FSTL4: variants seen among roughly 807,000 people sequenced by gnomAD.
The protein encoded by FSTL4 is follistatin-related protein 4.
In FSTL4, 28 loss-of-function variants were observed where a neutral mutation model predicts 78.2. The ratio of observed to expected loss-of-function variants is 0.36; its 90% CI spans 0.27 to 0.49. FSTL4 has a LOEUF of 0.49. Ranked by LOEUF, FSTL4 falls within the 20% of genes least tolerant of loss-of-function variation. FSTL4 has a pLI of 0.98. For missense variants in FSTL4, 922 were observed against 1,084.9 expected (o/e 0.85, Z 2.11); for synonymous variants, 422 against 440.5 (o/e 0.96, Z 0.53).
chr5:133,823,179 G>A, the FSTL4 span, among the ~76,000 whole-genome samples: 1 of 152,210 alleles, frequency 6.6e-6, no homozygotes, highest in Non-Finnish European at 1.5e-5. Flanking sequence ...AGAGCCCAGA[G>A]CTGGTCACCA....
the FSTL4 span, among the ~76,000 whole-genome samples, chr5:133,815,566 A>G: frequency 6.6e-6 from 1 of 152,212 alleles, no homozygotes; most frequent in Admixed American, 6.5e-5. Context: ...TGGCTGGCTC[A>G]TGTGCCAGGG....
Position 133,352,827 on chromosome 5 carries a change from C to T in FSTL4, c.410-36175G>A, listed in dbSNP as rs573998947. 1.5e-3 allele frequency among the ~76,000 whole-genome samples: 231 copies of T among 152,178 alleles called. 1 individual carries two copies. Among genetic ancestry groups the T allele is most frequent in the African/African-American group, 5.3e-3 (220 of 41,504 alleles). ...GTAGTATTCCATGGTGTGTATGTAC[C>T]ACATTTTTAAAAAATCCAATTCACT... On this transcript the variant is annotated intron_variant, in intron 4 of 15. Transcript: ENST00000265342.
chr5:133,278,900 A>G (rs1752948687), intron 6 of FSTL4, among the ~76,000 whole-genome samples: 1 of 152,260 alleles, frequency 6.6e-6, no homozygotes, highest in African/African-American at 2.4e-5. Context: ...ATGGCAAGGT[A>G]GCCTCAGGTA....
chr5:133,252,443 C>G (rs1174370878), intron 6 of FSTL4, among the ~76,000 whole-genome samples: 2 of 152,148 alleles, frequency 1.3e-5, no homozygotes, highest in Admixed American at 1.3e-4. Context: ...CTGCCTCAGG[C>G]TGATGCAGAT....
chr5:133,437,214 T>G (rs1002900356), intron 3 of FSTL4, among the ~76,000 whole-genome samples: 1 of 152,212 alleles, frequency 6.6e-6, no homozygotes, highest in Non-Finnish European at 1.5e-5. Flanking sequence ...TGAGTTTTAG[T>G]TGCCGGTGAG....
chr5:133,447,566 G>A (rs147117266), intron 3 of FSTL4, among the ~76,000 whole-genome samples: 238 of 152,126 alleles, frequency 1.6e-3, no homozygotes, highest in Non-Finnish European at 2.7e-3. Context: ...TTGAGACTGA[G>A]TCTCACTCTG....
At chr5:133,382,394 C>T (rs986574848) in intron 4 of FSTL4, among the ~76,000 whole-genome samples, 3 of 152,236 alleles carry the variant, frequency 2.0e-5, no homozygotes, top group Non-Finnish European at 2.9e-5. Flanking sequence ...CATTTCTTTA[C>T]GTGGGTAATA....
intron 3 of FSTL4, among the ~76,000 whole-genome samples, chr5:133,467,992 C>G (rs918977902): frequency 1.3e-5 from 2 of 152,230 alleles, no homozygotes; most frequent in African/African-American, 4.8e-5. Flanking sequence ...ACAGGAGGCG[C>G]CTGGCAGATT....
At chr5:133,233,300 T>C in intron 8 of FSTL4, 117 bp downstream of exon 8, 1 of 1,099,084 alleles carries the variant, frequency 9.1e-7, no homozygotes, top group Non-Finnish European at 1.3e-6. Context: ...AGAGATGATA[T>C]ATTTTGGGGT....
the FSTL4 span, among the ~76,000 whole-genome samples, chr5:133,795,162 C>T: frequency 6.6e-6 from 1 of 152,146 alleles, no homozygotes; most frequent in Admixed American, 6.5e-5. Flanking sequence ...GCTTCCTGGC[C>T]CCAGGTGAGC....
At chr5:133,487,078 G>A (rs541968721) in intron 3 of FSTL4, among the ~76,000 whole-genome samples, 1 of 152,270 alleles carries the variant, frequency 6.6e-6, no homozygotes, top group African/African-American at 2.4e-5. Flanking sequence ...TGGGGGTAGT[G>A]GGTCTGATTC....
chr5:133,403,576 AG>A (rs1301389258), intron 3 of FSTL4, among the ~76,000 whole-genome samples: 1 of 152,230 alleles, frequency 6.6e-6, no homozygotes, highest in Non-Finnish European at 1.5e-5. Flanking sequence ...AAGCCAGGCT[AG>A]GGGCTCGGAT....
chr5:133,502,852 G>C (rs1561448195), intron 3 of FSTL4, among the ~76,000 whole-genome samples: 2 of 152,114 alleles, frequency 1.3e-5, no homozygotes, highest in Non-Finnish European at 2.9e-5. Flanking sequence ...TGTGAGAGTA[G>C]CCTAATACAG....
chr5:133,741,464 G>T, the FSTL4 span, among the ~76,000 whole-genome samples: 99 of 152,336 alleles, frequency 6.5e-4, no homozygotes, highest in Non-Finnish European at 1.0e-3. Context: ...ATGCAAGAGT[G>T]CAGGAAGTGG....
chr5:133,603,931 G>C lies in FSTL4; in HGVS notation c.53C>G (p.Pro18Arg), dbSNP rs908432319. Reference protein sequence around the residue: ...LHLTLLGASLPAALGWMDPGT... With the variant: ...LHLTLLGASLRAALGWMDPGT... ...TGGGTCCATCCATCCCAGCGCAGCC[G>C]GCAGGGAGGCTCCGAGCAGTGTGAG... Residue 18 changes from proline to arginine, a missense_variant, in exon 2 of 16, where the codon CCG becomes CGG. Transcript: ENST00000265342. 6.8e-6 allele frequency: 11 copies of C among 1,613,152 alleles called. No homozygotes were observed. The highest frequency in any genetic ancestry group is 9.3e-6 in the Non-Finnish European group (11 of 1,179,208).
chr5:133,410,496 C>T (rs1289692276), intron 3 of FSTL4, among the ~76,000 whole-genome samples: 1 of 152,188 alleles, frequency 6.6e-6, no homozygotes, highest in Non-Finnish European at 1.5e-5. Context: ...CCCCAGGCTG[C>T]CTCCAATTAT....
At chr5:133,718,135 C>T in the FSTL4 span, among the ~76,000 whole-genome samples, 26 of 152,068 alleles carry the variant, frequency 1.7e-4, no homozygotes, top group East Asian at 5.0e-3. Flanking sequence ...CTCTGTCACC[C>T]AGGCTGGAGT....
chr5:133,440,136 C>T lies in FSTL4; in HGVS notation c.161-39150G>A, dbSNP rs1181296061. ...TGGAAGAATGGCAGGTCCAGCTGGG[C>T]GAGTAGTACAGGAGAGAGCTCTGGA... On this transcript the variant is annotated intron_variant, in intron 3 of 15. Transcript: ENST00000265342. This position sits in a 1 kb window ranked among gnomAD's most constrained non-coding sequence, Gnocchi z 4.1. 6.6e-5 allele frequency among the ~76,000 whole-genome samples: 10 copies of T among 152,030 alleles called. No homozygotes were observed. The highest frequency in any genetic ancestry group is 1.3e-4 in the Non-Finnish European group (9 of 67,988).
At chr5:133,215,916 T>G (rs115227011) in intron 13 of FSTL4, among the ~76,000 whole-genome samples, 179 of 152,340 alleles carry the variant, frequency 1.2e-3, no homozygotes, top group African/African-American at 4.3e-3. Flanking sequence ...AGGACATTTG[T>G]GATTGCATTT....
Sources: gnomAD v4.1 joint callset for allele counts (sites outside exome capture counted in the v4.1 genomes callset) on GRCh38, gnomAD v4.1.1 for gene constraint, Gnocchi (gnomAD v3.1) non-coding constraint, MANE v1.5 for transcripts, NCBI Gene and HGNC (gene_info 2026-07-23, HGNC 2026-07-21) for gene names.